CAMTA1: variants seen among roughly 807,000 people sequenced by gnomAD.
CAMTA1 encodes calmodulin-binding transcription activator 1.
CAMTA1 carries 27 observed loss-of-function variants against 170.9 expected under a neutral mutation model. That is an observed-to-expected ratio of 0.16 (90% CI 0.12 to 0.22). The LOEUF (loss-of-function observed/expected upper bound fraction) is 0.22, where lower values mean the gene tolerates loss of function less well. Ranked by LOEUF, CAMTA1 falls within the 10% of genes least tolerant of loss-of-function variation. CAMTA1 has a pLI of 1.00. For synonymous variants in CAMTA1, 833 were observed against 891.5 expected (o/e 0.93, Z 1.17); for missense variants, 1,619 against 2,217.2 (o/e 0.73, Z 5.42).
At chr1:7,432,616 C>T (rs749122071) in intron 5 of CAMTA1, among the ~76,000 whole-genome samples, 86 of 152,282 alleles carry the variant, frequency 5.6e-4, no homozygotes, top group Middle Eastern at 3.4e-3. Context: ...GCTCTGCCTC[C>T]GTCCGGGCCT....
rs530907378 is a variant in CAMTA1, at chr1:6,915,802, C to A, written c.234+90592C>A. 1.6e-4 allele frequency among the ~76,000 whole-genome samples: 24 copies of A among 152,322 alleles called. No individual in the cohort carries two copies. In the South Asian group the frequency reaches 4.8e-3, roughly 30 times the overall value. On this transcript the variant is annotated intron_variant, in intron 3 of 22. Transcript: ENST00000303635. ...GCAGTGATCCTATATGCTGGCGAAGCCTGTCTCTCTGACTGGGGCCTGCAG... is the reference window on the plus strand; with the variant it reads ...GCAGTGATCCTATATGCTGGCGAAGACTGTCTCTCTGACTGGGGCCTGCAG...
intron 3 of CAMTA1, among the ~76,000 whole-genome samples, chr1:6,955,057 A>G (rs752899643): frequency 2.0e-5 from 3 of 151,838 alleles, no homozygotes; most frequent in Non-Finnish European, 2.9e-5. Context: ...CGGCTCTGGC[A>G]ATCTGGAAAT....
intron 7 of CAMTA1, among the ~76,000 whole-genome samples, chr1:7,644,745 A>G (rs2095791356): frequency 2.6e-5 from 4 of 152,212 alleles, no homozygotes; most frequent in Admixed American, 6.5e-5. Context: ...ATTTTGTCAT[A>G]TGGTTACTCC....
chr1:7,528,731 C>T (rs2094457688), intron 6 of CAMTA1, among the ~76,000 whole-genome samples: 1 of 152,006 alleles, frequency 6.6e-6, no homozygotes, highest in African/African-American at 2.4e-5. Flanking sequence ...TAGAAAACCA[C>T]ATAGCTATTG....
rs536678242 is a variant in CAMTA1 at position 7,301,700 on chromosome 1, G to A, written c.438+52074G>A. 2.0e-5 allele frequency among the ~76,000 whole-genome samples: 3 copies of A among 152,310 alleles called. No homozygotes were observed. The South Asian group carries it at 6.2e-4, about 32-fold the overall frequency. ...TTGAAGACTGGGACAGACATGATGA[G>A]TGCTGGGGGCGCCCAGGTCCGGGGT... On this transcript the variant is annotated intron_variant, in intron 5 of 22. Coordinates refer to ENST00000303635, the MANE Select transcript of CAMTA1 (RefSeq NM_015215.4).
chr1:6,992,260 C>A (rs1000543899), intron 3 of CAMTA1, among the ~76,000 whole-genome samples: 3 of 150,500 alleles, frequency 2.0e-5, no homozygotes, highest in African/African-American at 7.3e-5. Context: ...TTTGTAGCAA[C>A]GTGGTCTTGC....
intron 4 of CAMTA1, among the ~76,000 whole-genome samples, chr1:7,210,901 G>T (rs1573920334): frequency 6.6e-6 from 1 of 152,188 alleles, no homozygotes; most frequent in East Asian, 1.9e-4. Context: ...TAATTATATT[G>T]TCACAGATTT....
At chr1:7,563,072 A>G (rs2094981495) in intron 6 of CAMTA1, among the ~76,000 whole-genome samples, 1 of 151,828 alleles carries the variant, frequency 6.6e-6, no homozygotes. Flanking sequence ...TGGCCTTTGG[A>G]CGCCCACCAG....
Position 7,244,455 on chromosome 1 carries a change from G to A in CAMTA1, c.303-5036G>A, listed in dbSNP as rs1020591786. Among the ~76,000 whole-genome samples, 34 of 152,072 alleles carry A rather than the reference G, an allele frequency of 2.2e-4. 1 individual carries two copies. The highest frequency in any genetic ancestry group is 2.1e-3 in the Admixed American group (32 of 15,258). On this transcript the variant is annotated intron_variant, in intron 4 of 22. Transcript: ENST00000303635. ...ACACATGCACATGTATGTTTATTGC[G>A]GCACTATTCACAATAGCAAAGACTT... is the stretch of plus-strand genomic sequence containing the variant.
chr1:7,159,300 A>G (rs1397107855), intron 4 of CAMTA1, among the ~76,000 whole-genome samples: 2 of 152,120 alleles, frequency 1.3e-5, no homozygotes, highest in Non-Finnish European at 2.9e-5. Context: ...GTAGAAAAAC[A>G]TACAAACCAG....
intron 6 of CAMTA1, among the ~76,000 whole-genome samples, chr1:7,586,136 C>A (rs975253499): frequency 1.3e-5 from 2 of 152,090 alleles, no homozygotes; most frequent in Non-Finnish European, 2.9e-5. Flanking sequence ...AGGCTCCACT[C>A]CCAGCCAGGC....
chr1:7,066,190 C>G (rs116076792), intron 3 of CAMTA1, among the ~76,000 whole-genome samples: 1 of 152,242 alleles, frequency 6.6e-6, no homozygotes. Flanking sequence ...CAAATCGTCT[C>G]CTTTCTAGTG....
At chr1:6,949,336 A>C (rs1215396739) in intron 3 of CAMTA1, among the ~76,000 whole-genome samples, 1 of 152,244 alleles carries the variant, frequency 6.6e-6, no homozygotes, top group Non-Finnish European at 1.5e-5. Flanking sequence ...TTCTGCTGAC[A>C]TCATGGGAGA....
In CAMTA1 at chr1:7,681,641, G is replaced by A. The variant is rs1468663981; in HGVS notation, c.2914+3908G>A. 6.6e-6 allele frequency among the ~76,000 whole-genome samples: 1 copy of A among 152,208 alleles called. No homozygotes were observed. Among genetic ancestry groups the A allele is most frequent in the Admixed American group, 6.5e-5 (1 of 15,290 alleles). On this transcript the variant is annotated intron_variant, in intron 11 of 22. Transcript: ENST00000303635. The surrounding 1 kb of genome is among the most constrained non-coding windows in gnomAD (Gnocchi z 4.6). ...GTAGGCAGGCAATGGGGTTTACCCT[G>A]GAGACCCACTGGGGAGGATCTCTGG...
At position 7,391,019 on chromosome 1, in the gene CAMTA1, T is replaced by C. The variant is rs954779094; in HGVS notation, c.439-76811T>C. On this transcript the variant is annotated intron_variant, in intron 5 of 22. Transcript: ENST00000303635. Reference sequence around the variant, plus strand: ...ATCTGGGTTGTTGTTTTTTTTTTTATGGAGTTTTGCTCTTGTTGCCCGGGC... The same window carrying C: ...ATCTGGGTTGTTGTTTTTTTTTTTACGGAGTTTTGCTCTTGTTGCCCGGGC... Among the ~76,000 whole-genome samples the C allele has an allele frequency of 3.3e-5, 5 of 152,128 alleles. No individual in the cohort carries two copies. The South Asian group carries it at 1.0e-3, about 32-fold the overall frequency.
chr1:7,662,685 C>G (rs1474533559), intron 8 of CAMTA1, among the ~76,000 whole-genome samples: 1 of 152,218 alleles, frequency 6.6e-6, no homozygotes, highest in Non-Finnish European at 1.5e-5. Flanking sequence ...AGCAAGGGCT[C>G]TGTCCCTACT....
intron 6 of CAMTA1, among the ~76,000 whole-genome samples, chr1:7,487,142 T>A (rs2093629258): frequency 6.6e-6 from 1 of 152,164 alleles, no homozygotes; most frequent in Non-Finnish European, 1.5e-5. Context: ...AGCTGGTCTG[T>A]CTCCCATCTA....
At chr1:7,155,319 C>T (rs926510160) in intron 4 of CAMTA1, among the ~76,000 whole-genome samples, 6 of 151,674 alleles carry the variant, frequency 4.0e-5, no homozygotes, top group African/African-American at 1.5e-4. Flanking sequence ...GCCTACCTGT[C>T]CCTTTTGCTG....
At chr1:7,398,187 C>A (rs867729240) in intron 5 of CAMTA1, among the ~76,000 whole-genome samples, 452 of 38,110 alleles carry the variant, frequency 0.012, 11 homozygotes, top group African/African-American at 0.046. Flanking sequence ...CTCTCTCTCT[C>A]TCTCTCTATA....
Sources: allele counts gnomAD v4.1 joint callset (sites outside exome capture counted in the v4.1 genomes callset), GRCh38; gene constraint gnomAD v4.1.1; non-coding constraint Gnocchi (gnomAD v3.1); transcripts MANE v1.5; gene names NCBI Gene and HGNC (gene_info 2026-07-23, HGNC 2026-07-21).